The following USP8 variants were observed in gnomAD, a reference collection of about 807,000 sequenced individuals.
The protein encoded by USP8 is ubiquitin specific peptidase 8, also known as ubiquitin carboxyl-terminal hydrolase 8.
Under a neutral mutation model 130.0 loss-of-function variants are expected in USP8, and 27 were observed. The ratio of observed to expected loss-of-function variants is 0.21; its 90% CI spans 0.15 to 0.29. The LOEUF (loss-of-function observed/expected upper bound fraction) is 0.29, where lower values mean the gene tolerates loss of function less well. USP8 is among the 10% of genes least tolerant of loss of function. USP8 has a pLI of 1.00. For missense variants in USP8, 1,029 were observed against 1,312.2 expected (o/e 0.78, Z 3.33); for synonymous variants, 392 against 444.1 (o/e 0.88, Z 1.48).
chr15:50,499,066 G>A lies in USP8; in HGVS notation c.3335G>A (p.Arg1112Gln), dbSNP rs748213555. 6.8e-6 allele frequency: 11 copies of A among 1,610,532 alleles called. No individual in the cohort carries two copies. The highest frequency in any genetic ancestry group is 6.7e-5 in the East Asian group (3 of 44,846). The change falls in exon 20 of 20, where the codon CGA becomes CAA. Residue 1112 changes from arginine (R) to glutamine (Q), a missense_variant. Physicochemically the swap from Arg to Gln is conservative, Grantham distance 43. Coordinates refer to ENST00000307179, the MANE Select transcript of USP8 (RefSeq NM_005154.5). ...CTCTTTTATACTTCATTGGGACCAC[G>A]AGTAACTGATGTAGCCACATAAGGA... ...YILFYTSLGP[R>Q]VTDVAT
intron 1 of USP8, among the ~76,000 whole-genome samples, chr15:50,431,914 C>T (rs958851162): frequency 7.9e-5 from 12 of 152,142 alleles, no homozygotes; most frequent in Admixed American, 7.2e-4. Context: ...CCTCAGCCTC[C>T]CAAAGTGCTG....
At position 50,500,607 on chromosome 15, in the gene USP8, G is replaced by GCTGA. The variant is rs1248522890; in HGVS notation, c.*1523_*1526dup. 1 of 597,824 alleles carries GCTGA rather than the reference G, an allele frequency of 1.7e-6. No individual in the cohort carries two copies. The highest frequency in any genetic ancestry group is 2.9e-6 in the Non-Finnish European group (1 of 340,950). 37.0% of individuals were successfully genotyped at this position (597,824 alleles called of 1,614,324 possible). On this transcript the variant is annotated 3_prime_UTR_variant, in exon 20 of 20. Transcript: ENST00000307179. ...ACCAAGCAAAACTCTACCACCAGAT[G>GCTGA]CTGACTGCTTGTTTTGCAGTGTTCA... is the stretch of plus-strand genomic sequence containing the variant.
chr15:50,444,605 C>G lies in USP8; in HGVS notation c.249+3112C>G, dbSNP rs566100975. Reference sequence around the variant, plus strand: ...TGCATTTCCAAAGGGAGTATGTAGGCAGAGAAGTCCAGGCTGAGACGCTCC... The same window carrying G: ...TGCATTTCCAAAGGGAGTATGTAGGGAGAGAAGTCCAGGCTGAGACGCTCC... On this transcript the variant is annotated intron_variant, in intron 3 of 19. Coordinates refer to ENST00000307179, the MANE Select transcript of USP8 (RefSeq NM_005154.5). 5 of 151,998 alleles carry G rather than the reference C, an allele frequency of 3.3e-5. No homozygotes were observed. The East Asian group carries it at 7.7e-4, about 23-fold the overall frequency. 9.4% of individuals were successfully genotyped at this position (151,998 alleles called of 1,614,324 possible).
chr15:50,440,350 C>T (rs949457278), intron 2 of USP8, among the ~76,000 whole-genome samples: 2 of 152,288 alleles, frequency 1.3e-5, no homozygotes, highest in South Asian at 2.1e-4. Flanking sequence ...TTGGTTGTAT[C>T]CAAACTTGCA....
Position 50,501,737 on chromosome 15 carries a change from G to T in USP8, c.*2649G>T, listed in dbSNP as rs1165220818. 2 of 152,128 alleles carry T rather than the reference G, an allele frequency of 1.3e-5. No individual in the cohort carries two copies. Among genetic ancestry groups the T allele is most frequent in the Non-Finnish European group, 2.9e-5 (2 of 68,012 alleles). The allele number at this position is 152,128 out of a possible 1,614,324, so 9.4% of individuals were successfully genotyped here. ...TAGAGAGGTGTACTTCCAAGGAGGT[G>T]TTATGGTGTATGATAAGGGTCAGCA... On this transcript the variant is annotated 3_prime_UTR_variant, in exon 20 of 20. Transcript: ENST00000307179.
At chr15:50,454,462 T>A (rs2050724923) in intron 4 of USP8, among the ~76,000 whole-genome samples, 1 of 151,124 alleles carries the variant, frequency 6.6e-6, no homozygotes, top group Non-Finnish European at 1.5e-5. Context: ...TTTCTTTTTT[T>A]TTTTTTTCAG....
At chr15:50,464,721 G>A (rs1364746077) in intron 6 of USP8, among the ~76,000 whole-genome samples, 2 of 152,116 alleles carry the variant, frequency 1.3e-5, no homozygotes, top group African/African-American at 2.4e-5. Flanking sequence ...GCCAGGCGTG[G>A]TAACAGCCTG....
At chr15:50,469,143 G>T (rs930049601) in intron 7 of USP8, among the ~76,000 whole-genome samples, 1 of 151,976 alleles carries the variant, frequency 6.6e-6, no homozygotes, top group African/African-American at 2.4e-5. Flanking sequence ...GCCATATGAT[G>T]TTCTGTTGTG....
chr15:50,494,438 A>G (rs2052294579), intron 16 of USP8, among the ~76,000 whole-genome samples, 158 bp downstream of exon 16: 1 of 152,246 alleles, frequency 6.6e-6, no homozygotes, highest in Non-Finnish European at 1.5e-5. Context: ...AGGTAAGTGT[A>G]ATATTTGAAG....
At chr15:50,441,918 C>A (rs1478634688) in intron 3 of USP8, among the ~76,000 whole-genome samples, 1 of 150,320 alleles carries the variant, frequency 6.7e-6, no homozygotes, top group Admixed American at 6.6e-5. Context: ...TGACATTGTA[C>A]CCATATTACA....
intron 1 of USP8, 165 bp downstream of exon 1, chr15:50,424,679 A>G (rs2049642536): frequency 2.5e-6 from 1 of 394,868 alleles, no homozygotes; most frequent in Non-Finnish European, 4.5e-6. Flanking sequence ...TGGAGAGGAA[A>G]GGCCCAACCT....
rs757610253 is a variant in USP8 at position 50,477,280 on chromosome 15, T to G, written c.999T>G (p.Asp333Glu). 1 of 1,609,384 alleles carries G rather than the reference T, an allele frequency of 6.2e-7. No homozygotes were observed. Among genetic ancestry groups the G allele is most frequent in the Non-Finnish European group, 8.5e-7 (1 of 1,178,832 alleles). The change falls in exon 10 of 20, where the codon GAT (aspartate) becomes GAG (glutamate). Residue 333 changes from aspartate to glutamate, a missense_variant. Coordinates refer to ENST00000307179, the MANE Select transcript of USP8 (RefSeq NM_005154.5). The part of the protein sequence containing the change: ...RQNEEVSISL[D>E]FTYPSLEESI... ...TTTTTATTTTTGGAATTTTAGTGGA[T>G]TTTACTTATCCCTCATTGGAAGAAT...
At chr15:50,493,946 A>G (rs1566889606) in intron 15 of USP8, 124 bp from the exon 16 acceptor site, 1 of 1,117,564 alleles carries the variant, frequency 8.9e-7, no homozygotes, top group Non-Finnish European at 1.4e-6. Context: ...CTGCAAATAA[A>G]TAAGTAGTTT....
At chr15:50,480,196 A>T (rs1375784615) in intron 10 of USP8, among the ~76,000 whole-genome samples, 6 of 152,160 alleles carry the variant, frequency 3.9e-5, no homozygotes, top group African/African-American at 1.2e-4. Flanking sequence ...TGTTAGGGTC[A>T]CTTCTCTAGT....
In USP8 at chr15:50,484,303, G is replaced by C. The variant is rs2051876352; in HGVS notation, c.1832G>C (p.Ser611Thr). Residue 611 changes from serine to threonine, a missense_variant, in exon 12 of 20, where the codon AGT (serine) becomes ACT (threonine). Ser to Thr is a moderately conservative substitution (Grantham distance 58). Coordinates refer to ENST00000307179, the MANE Select transcript of USP8 (RefSeq NM_005154.5). ...TTTAAGATTAAAGGACAACCAGAAA[G>C]TGGAATTCTAAGGACAGGAACTTTT... ...KPFKIKGQPE[S>T]GILRTGTFRE... is the part of the protein sequence containing the mutation. 13 of 1,611,738 alleles carry C rather than the reference G, an allele frequency of 8.1e-6. No homozygotes were observed. The highest frequency in any genetic ancestry group is 1.1e-5 in the Non-Finnish European group (13 of 1,179,204).
At chr15:50,434,264 G>A (rs939666547) in intron 1 of USP8, among the ~76,000 whole-genome samples, 3 of 151,522 alleles carry the variant, frequency 2.0e-5, no homozygotes, top group East Asian at 2.0e-4. Context: ...CACCACGTCC[G>A]GCTAATTTTT....
At chr15:50,443,981 G>C (rs1595910666) in intron 3 of USP8, among the ~76,000 whole-genome samples, 1 of 152,058 alleles carries the variant, frequency 6.6e-6, no homozygotes, top group Non-Finnish European at 1.5e-5. Context: ...ATATGTTAAA[G>C]TGGAATTGCT....
At position 50,499,646 on chromosome 15, in the gene USP8, C is replaced by T. The variant is rs2052541655; in HGVS notation, c.*558C>T. On this transcript the variant is annotated 3_prime_UTR_variant, in exon 20 of 20. Transcript: ENST00000307179. Reference sequence around the variant, plus strand: ...TTCTTAGGGAAATGACAGGGCAAAGCAATTTTTCTGTTGGCTTTGGGCTGT... The same window carrying T: ...TTCTTAGGGAAATGACAGGGCAAAGTAATTTTTCTGTTGGCTTTGGGCTGT... 6.6e-6 allele frequency: 1 copy of T among 151,734 alleles called. No individual in the cohort carries two copies. Among genetic ancestry groups the T allele is most frequent in the African/African-American group, 2.4e-5 (1 of 41,290 alleles). The allele number at this position is 151,734 out of a possible 1,614,324, so 9.4% of individuals were successfully genotyped here. A position where few individuals can be genotyped will look rare whatever the true frequency, so the allele number is the denominator to read the frequency against.
chr15:50,495,572 G>A (rs956776864), intron 16 of USP8, among the ~76,000 whole-genome samples: 1 of 151,990 alleles, frequency 6.6e-6, no homozygotes, highest in Non-Finnish European at 1.5e-5. Flanking sequence ...AGAATGCTGG[G>A]ATTACAAGCA....
Sources: gnomAD v4.1 joint callset for allele counts (sites outside exome capture counted in the v4.1 genomes callset) on GRCh38, gnomAD v4.1.1 for gene constraint, MANE v1.5 for transcripts, NCBI Gene and HGNC (gene_info 2026-07-23, HGNC 2026-07-21) for gene names.